The following INTS12 variants were observed in gnomAD, a reference collection of about 807,000 sequenced individuals.
INTS12 encodes the protein integrator complex subunit 12.
INTS12 carries 13 observed loss-of-function variants against 41.6 expected under a neutral mutation model. The ratio of observed to expected loss-of-function variants is 0.31; its 90% CI spans 0.20 to 0.50. The LOEUF is 0.50. Among genes scored for constraint, INTS12 ranks in the 20% least tolerant of loss-of-function variants. The pLI, the probability that INTS12 is intolerant of heterozygous loss-of-function variation, is 0.98. For missense variants in INTS12, 432 were observed against 541.6 expected, an observed-to-expected ratio of 0.80 and a Z score of 2.01; for synonymous variants, 199 against 191.4, an observed-to-expected ratio of 1.04 and a Z score of -0.33.
At chr4:105,702,803 C>T in intron 2 of INTS12, 1 of 822,206 alleles carries the variant, frequency 1.2e-6, no homozygotes, top group Non-Finnish European at 1.5e-6. Context: ...GTTTCCTCAC[C>T]AAACAGAAAA....
intron 2 of INTS12, among the ~76,000 whole-genome samples, chr4:105,703,336 G>C (rs775014569): frequency 6.6e-6 from 1 of 152,224 alleles, no homozygotes. Context: ...GGAAGTGGTA[G>C]TAGTAGTATT....
intron 1 of INTS12, among the ~76,000 whole-genome samples, chr4:105,704,148 CTTCT>C (rs1732181782): frequency 6.6e-6 from 1 of 151,934 alleles, no homozygotes; most frequent in Non-Finnish European, 1.5e-5. Context: ...TTCTTCATTC[CTTCT>C]ATTTACACAG....
intron 3 of INTS12, 103 bp downstream of exon 3, chr4:105,699,738 CTACAAGGAA>C: frequency 2.6e-6 from 2 of 784,092 alleles, no homozygotes; most frequent in South Asian, 8.8e-5. Flanking sequence ...TTTCTTCATG[CTACAAGGAA>C]AGATTATTTC....
At chr4:105,700,545 T>C (rs1732028685) in intron 2 of INTS12, among the ~76,000 whole-genome samples, 2 of 151,892 alleles carry the variant, frequency 1.3e-5, no homozygotes, top group Admixed American at 6.6e-5. Context: ...CTTTTTTTTT[T>C]TTTTTCTAAA....
chr4:105,696,418 T>C (rs1731869181), intron 3 of INTS12, among the ~76,000 whole-genome samples: 1 of 152,220 alleles, frequency 6.6e-6, no homozygotes, highest in Admixed American at 6.5e-5. Flanking sequence ...TCTGTAACAA[T>C]ACATTAGTTT....
At chr4:105,691,102 G>C (rs1309425608) in intron 6 of INTS12, among the ~76,000 whole-genome samples, 2 of 151,974 alleles carry the variant, frequency 1.3e-5, no homozygotes, top group African/African-American at 4.8e-5. Context: ...AAGTAAAATG[G>C]GTATCCCGAG....
intron 7 of INTS12, among the ~76,000 whole-genome samples, chr4:105,685,216 T>TA (rs1382997040): frequency 6.6e-6 from 1 of 152,130 alleles, no homozygotes; most frequent in Non-Finnish European, 1.5e-5. Flanking sequence ...GTGAATTTTT[T>TA]ATTAAAGAAA....
intron 7 of INTS12, among the ~76,000 whole-genome samples, chr4:105,685,740 T>C (rs1460214483): frequency 6.6e-6 from 1 of 152,124 alleles, no homozygotes; most frequent in Non-Finnish European, 1.5e-5. Flanking sequence ...AGTATTCTTT[T>C]TGTTATGAAA....
intron 3 of INTS12, among the ~76,000 whole-genome samples, chr4:105,697,815 C>T (rs959277056): frequency 4.6e-5 from 7 of 152,080 alleles, no homozygotes; most frequent in Non-Finnish European, 8.8e-5. Flanking sequence ...TTTGGGAAGC[C>T]AAGGTGGGCA....
intron 3 of INTS12, among the ~76,000 whole-genome samples, chr4:105,698,795 A>G (rs1378047397): frequency 6.6e-6 from 1 of 152,206 alleles, no homozygotes; most frequent in Admixed American, 6.5e-5. Context: ...ACAAAATGCC[A>G]GTGTTTACTT....
At position 105,700,024 on chromosome 4, in the gene INTS12, A is replaced by G. The variant is rs776495050; in HGVS notation, c.-9-10T>C. 2 of 1,458,540 alleles carry G rather than the reference A, an allele frequency of 1.4e-6. No individual in the cohort carries two copies. Among genetic ancestry groups the G allele is most frequent in the Admixed American group, 2.2e-5 (1 of 45,886 alleles). The allele number at this position is 1,458,540 out of a possible 1,614,324, so 90.3% of individuals were successfully genotyped here. A position where few individuals can be genotyped will look rare whatever the true frequency, so the allele number is the denominator to read the frequency against. ...CAGCCATTGCAAACGCCTGAAGGAAAAAAAGAGAAAGTAATCTAGAAGACA... is the reference window on the plus strand; with the variant it reads ...CAGCCATTGCAAACGCCTGAAGGAAGAAAAGAGAAAGTAATCTAGAAGACA... On this transcript the variant is annotated splice_polypyrimidine_tract_variant and intron_variant, in intron 2 of 7. Coordinates refer to ENST00000340139, the MANE Select transcript of INTS12 (RefSeq NM_020395.4).
intron 6 of INTS12, among the ~76,000 whole-genome samples, chr4:105,690,146 C>A (rs1374739117): frequency 6.6e-6 from 1 of 152,160 alleles, no homozygotes; most frequent in African/African-American, 2.4e-5. Context: ...GGGAATGACA[C>A]ACTTAGTCTG....
At chr4:105,708,025 T>G in intron 1 of INTS12, 1 of 985,472 alleles carries the variant, frequency 1.0e-6, no homozygotes, top group Non-Finnish European at 1.2e-6. Flanking sequence ...CATTTCATAA[T>G]GGCTCTAAAA....
At chr4:105,702,267 C>T (rs1039475478) in intron 2 of INTS12, among the ~76,000 whole-genome samples, 4 of 150,976 alleles carry the variant, frequency 2.6e-5, no homozygotes, top group African/African-American at 9.7e-5. Flanking sequence ...TCCCGAGTAG[C>T]TGGGACTACA....
chr4:105,687,610 T>C (rs1731540512), intron 6 of INTS12, among the ~76,000 whole-genome samples: 2 of 152,190 alleles, frequency 1.3e-5, no homozygotes, highest in South Asian at 4.1e-4. Context: ...ATGTGCCATG[T>C]TTAAGAGTAA....
chr4:105,694,793 T>C (rs575824686), intron 4 of INTS12, among the ~76,000 whole-genome samples: 3 of 152,360 alleles, frequency 2.0e-5, no homozygotes, highest in Non-Finnish European at 4.4e-5. Flanking sequence ...ACTAAAATCT[T>C]AATTACTATA....
intron 6 of INTS12, among the ~76,000 whole-genome samples, chr4:105,690,100 G>C (rs1437039689): frequency 2.0e-5 from 3 of 152,146 alleles, no homozygotes; most frequent in Admixed American, 1.3e-4. Context: ...CTGAGAAGCA[G>C]AAAATATGGG....
chr4:105,700,820 T>C (rs73837102), intron 2 of INTS12, among the ~76,000 whole-genome samples: 1 of 151,906 alleles, frequency 6.6e-6, no homozygotes, highest in African/African-American at 2.4e-5. Context: ...CAAAGGCTTA[T>C]GAAATTCCAC....
At chr4:105,690,563 G>T (rs1731650909) in intron 6 of INTS12, among the ~76,000 whole-genome samples, 1 of 151,984 alleles carries the variant, frequency 6.6e-6, no homozygotes, top group South Asian at 2.1e-4. Context: ...AAAAAAACTG[G>T]ATAATAGAAC....
Sources: gnomAD v4.1 joint callset for allele counts (sites outside exome capture counted in the v4.1 genomes callset) on GRCh38, gnomAD v4.1.1 for gene constraint, MANE v1.5 for transcripts, NCBI Gene and HGNC (gene_info 2026-07-23, HGNC 2026-07-21) for gene names.